The following VPS13C variants were observed in gnomAD, a reference collection of about 807,000 sequenced individuals.
VPS13C encodes vacuolar protein sorting 13 homolog C.
In VPS13C, 358 loss-of-function variants were observed where a neutral mutation model predicts 456.8. The observed-to-expected ratio is 0.78, with a 90% CI of 0.72 to 0.86. The LOEUF is 0.86. VPS13C is among the 40% of genes least tolerant of loss of function. The pLI is 0.00. For missense variants in VPS13C, 4,818 were observed against 4,385.4 expected (o/e 1.10, Z -2.79); for synonymous variants, 1,578 against 1,486.7 (o/e 1.06, Z -1.41).
At chr15:61,882,442 TTAAA>T (rs1373118793) in intron 69 of VPS13C, among the ~76,000 whole-genome samples, 150 bp downstream of exon 69, 2 of 152,106 alleles carry the variant, frequency 1.3e-5, no homozygotes, top group Non-Finnish European at 2.9e-5. Context: ...AAGTAAGATG[TTAAA>T]TAAACAGGAT....
intron 81 of VPS13C, chr15:61,865,695 TATG>T (rs1894514372): frequency 2.7e-6 from 1 of 376,840 alleles, no homozygotes; most frequent in Admixed American, 6.5e-5. Flanking sequence ...TGTGTATATA[TATG>T]TGTGTATATG....
chr15:61,890,056 T>C (rs572005232), intron 67 of VPS13C, 109 bp downstream of exon 67: 6 of 957,452 alleles, frequency 6.3e-6, no homozygotes, highest in African/African-American at 1.6e-5. Context: ...TGAATAAATA[T>C]ACAGCATACC....
In VPS13C at chr15:61,921,905, C is replaced by T. The variant is rs372782239; in HGVS notation, c.7062+42G>A. 11 of 1,553,338 alleles carry T rather than the reference C, an allele frequency of 7.1e-6. No individual in the cohort carries two copies. The East Asian group carries it at 1.3e-4, about 19-fold the overall frequency. On this transcript the variant is annotated intron_variant, in intron 55 of 84. Transcript: ENST00000644861. ...GAAATAAAAACTATGAATGAATATG[C>T]ATAGTATCATTCTATCCAAAGATAT...
At chr15:62,047,794 A>C (rs2140755166) in intron 1 of VPS13C, among the ~76,000 whole-genome samples, 1 of 152,320 alleles carries the variant, frequency 6.6e-6, no homozygotes, top group African/African-American at 2.4e-5. Context: ...GTCATTACAT[A>C]TCCTATGAAT....
intron 15 of VPS13C, among the ~76,000 whole-genome samples, chr15:62,006,769 G>A (rs1480510290): frequency 6.6e-6 from 1 of 152,106 alleles, no homozygotes; most frequent in African/African-American, 2.4e-5. Flanking sequence ...AGCACCTGTT[G>A]TTTCCTGACT....
intron 35 of VPS13C, among the ~76,000 whole-genome samples, chr15:61,960,097 G>A (rs899402595): frequency 2.0e-5 from 3 of 152,062 alleles, no homozygotes. Flanking sequence ...ATTTTAAAAT[G>A]AATTATGTAC....
chr15:61,994,029 C>T (rs2046302366), intron 16 of VPS13C, among the ~76,000 whole-genome samples: 1 of 152,088 alleles, frequency 6.6e-6, no homozygotes, highest in Non-Finnish European at 1.5e-5. Context: ...AAGACGGATG[C>T]AGAGCGCTTT....
At chr15:62,044,405 T>TGCTCTTA in intron 1 of VPS13C, 150 bp from the exon 2 acceptor site, 1 of 491,264 alleles carries the variant, frequency 2.0e-6, no homozygotes, top group Non-Finnish European at 3.6e-6. Context: ...CGGCACAAAA[T>TGCTCTTA]AGTTGCTACA....
At chr15:61,945,554 T>G (rs1163908687) in intron 45 of VPS13C, among the ~76,000 whole-genome samples, 161 bp downstream of exon 45, 2 of 152,226 alleles carry the variant, frequency 1.3e-5, no homozygotes, top group Non-Finnish European at 2.9e-5. Context: ...TTCATTTGGT[T>G]AACATCATGA....
intron 45 of VPS13C, 33 bp from the exon 46 acceptor site, chr15:61,942,100 A>G (rs977040155): frequency 6.6e-7 from 1 of 1,514,310 alleles, no homozygotes; most frequent in African/African-American, 1.4e-5. Context: ...AGGGGAAAAA[A>G]GGCATTTATT....
At chr15:61,973,323 A>T in intron 26 of VPS13C, 131 bp downstream of exon 26, 1 of 683,654 alleles carries the variant, frequency 1.5e-6, no homozygotes, top group Non-Finnish European at 2.4e-6. Flanking sequence ...ACACTAATGT[A>T]GCACAACTAG....
rs145606842 is a variant in VPS13C, at chr15:61,949,499, T to G, written c.4703A>C (p.Lys1568Thr). 4 of 1,613,514 alleles carry G rather than the reference T, an allele frequency of 2.5e-6. No individual in the cohort carries two copies. The highest frequency in any genetic ancestry group is 1.3e-5 in the African/African-American group (1 of 74,872). ...APFSEPSSSE[K>T]ESELKPLVGE... ...CACAAGTGGTTTCAGCTCGGATTCC[T>G]TCTCAGAAGAGGAAGGCTCAGAGAA... Residue 1568 changes from lysine (K) to threonine (T), a missense_variant, in exon 42 of 85, where the codon AAG becomes ACG. This residue lies in a region of VPS13C where 4,552 missense variants were observed against 4,130.6 expected (regional missense o/e 1.10). Coordinates refer to ENST00000644861, the MANE Select transcript of VPS13C (RefSeq NM_020821.3).
At chr15:61,959,419 T>G in intron 36 of VPS13C, 29 bp downstream of exon 36, 1 of 1,530,982 alleles carries the variant, frequency 6.5e-7, no homozygotes, top group Non-Finnish European at 8.8e-7. Context: ...ATTTCAACAA[T>G]GAAGTTTTTT....
chr15:61,904,846 G>A (rs2043108170), intron 66 of VPS13C, among the ~76,000 whole-genome samples: 1 of 151,984 alleles, frequency 6.6e-6, no homozygotes, highest in Admixed American at 6.6e-5. Context: ...GGATAGGACT[G>A]GAGGTCATTA....
At chr15:61,983,251 TG>T (rs1382512090) in intron 20 of VPS13C, among the ~76,000 whole-genome samples, 4 of 152,118 alleles carry the variant, frequency 2.6e-5, no homozygotes, top group Non-Finnish European at 5.9e-5. Context: ...CTCAACAAGG[TG>T]GGGCGAACCT....
At chr15:61,908,266 T>C (rs1471525862) in intron 65 of VPS13C, among the ~76,000 whole-genome samples, 1 of 152,122 alleles carries the variant, frequency 6.6e-6, no homozygotes, top group Non-Finnish European at 1.5e-5. Context: ...TTCACTCCAT[T>C]AGAATTAAGA....
At chr15:61,918,731 T>C (rs903184712) in intron 58 of VPS13C, among the ~76,000 whole-genome samples, 1 of 152,094 alleles carries the variant, frequency 6.6e-6, no homozygotes, top group Non-Finnish European at 1.5e-5. Flanking sequence ...TTCATTTGTA[T>C]CTGATGTTAC....
At position 61,953,722 on chromosome 15, in the gene VPS13C, A is replaced by G. The variant is rs111547042; in HGVS notation, c.4299+699T>C. Among the ~76,000 whole-genome samples the G allele has an allele frequency of 4.8e-3, 727 of 152,264 alleles. 8 individuals carry two copies. The highest frequency in any genetic ancestry group is 0.016 in the African/African-American group (679 of 41,548). ...ATACATGTGCATGTGTCTTTATAGC[A>G]GCATGATTTATAGTCCTTTCTTATT... On this transcript the variant is annotated intron_variant, in intron 38 of 84. Transcript: ENST00000644861.
At chr15:61,959,030 C>T (rs1259613058) in intron 36 of VPS13C, among the ~76,000 whole-genome samples, 1 of 151,964 alleles carries the variant, frequency 6.6e-6, no homozygotes, top group African/African-American at 2.4e-5. Context: ...AAAGTGACAA[C>T]TTTGGAAAAT....
Sources: allele counts gnomAD v4.1 joint callset (sites outside exome capture counted in the v4.1 genomes callset), GRCh38; gene constraint gnomAD v4.1.1; regional missense constraint gnomAD v4.1.1; transcripts MANE v1.5; gene names NCBI Gene and HGNC (gene_info 2026-07-23, HGNC 2026-07-21).